Variants in DCDC1 observed in about 807,000 individuals in gnomAD.
DCDC1 encodes the protein doublecortin domain-containing protein 1.
In DCDC1, 200 loss-of-function variants were observed where a neutral mutation model predicts 178.3. The observed-to-expected ratio is 1.12, with a 90% confidence interval of 1.00 to 1.26. The LOEUF (loss-of-function observed/expected upper bound fraction) is 1.26. Among genes scored for constraint, DCDC1 ranks in the 50% most tolerant of loss-of-function variants. The pLI, the probability that DCDC1 is intolerant of heterozygous loss-of-function variation, is 0.00. For synonymous variants in DCDC1, 690 were observed against 604.8 expected (o/e 1.14, Z -2.07); for missense variants, 1,983 against 1,749.2 (o/e 1.13, Z -2.38).
At position 31,110,327 on chromosome 11, in the gene DCDC1, G is replaced by A; in HGVS notation, c.1520C>T (p.Ser507Phe). ...CAAATCTTTTTTACTGATACCAACAGAGATCTCTCCAGTGTTTTTACCATT... is the reference window on the plus strand; with the variant it reads ...CAAATCTTTTTTACTGATACCAACAAAGATCTCTCCAGTGTTTTTACCATT... ...FENGKNTGEI[S>F]VGISKKDLGS... Residue 507 changes from serine (S) to phenylalanine (F), a missense_variant, in exon 12 of 39, where the codon TCT (serine) becomes TTT (phenylalanine). Transcript: ENST00000684477. The A allele has an allele frequency of 1.4e-6, 1 of 707,860 alleles. No individual in the cohort carries two copies. The highest frequency in any genetic ancestry group is 2.6e-6 in the Non-Finnish European group (1 of 386,256). 43.8% of individuals were successfully genotyped at this position (707,860 alleles called of 1,614,324 possible). A position where few individuals can be genotyped will look rare whatever the true frequency, so the allele number is the denominator to read the frequency against.
intron 9 of DCDC1, among the ~76,000 whole-genome samples, chr11:31,211,378 G>A (rs561971934): frequency 6.6e-6 from 1 of 152,226 alleles, no homozygotes; most frequent in East Asian, 1.9e-4. Context: ...TTGCACAACT[G>A]CATCCTCAAA....
At chr11:31,355,807 G>A (rs955747239) in intron 1 of DCDC1, among the ~76,000 whole-genome samples, 1 of 152,074 alleles carries the variant, frequency 6.6e-6, no homozygotes, top group Non-Finnish European at 1.5e-5. Context: ...GACCTCAAGT[G>A]ATCTGCCTGC....
At chr11:30,997,495 A>T (rs1451929701) in intron 20 of DCDC1, among the ~76,000 whole-genome samples, 1 of 152,204 alleles carries the variant, frequency 6.6e-6, no homozygotes, top group Non-Finnish European at 1.5e-5. Flanking sequence ...TATTTTGTCT[A>T]GATATTGAAA....
chr11:31,153,029 A>G (rs1191575192), intron 9 of DCDC1, among the ~76,000 whole-genome samples: 1 of 152,196 alleles, frequency 6.6e-6, no homozygotes, highest in Non-Finnish European at 1.5e-5. Flanking sequence ...TATATTCTCA[A>G]TACTGGGTCA....
rs566853468 is a variant in DCDC1, at chr11:31,283,143, C to T, written c.960+7504G>A. Among the ~76,000 whole-genome samples, 143 of 152,236 alleles carry T rather than the reference C, an allele frequency of 9.4e-4. 1 individual carries two copies. The highest frequency in any genetic ancestry group is 1.6e-3 in the Admixed American group (25 of 15,278). On this transcript the variant is annotated intron_variant, in intron 7 of 38. Transcript: ENST00000684477. ...ACCAAGAACTCAGGAAAAATTCTGG[C>T]CATTATTACTTCAAATATTCACAGC...
intron 20 of DCDC1, among the ~76,000 whole-genome samples, chr11:31,014,472 C>G (rs1036726484): frequency 3.9e-5 from 6 of 152,136 alleles, no homozygotes; most frequent in Admixed American, 2.0e-4. Context: ...TGACTACAGC[C>G]TCATGGAAAA....
intron 9 of DCDC1, among the ~76,000 whole-genome samples, chr11:31,213,174 C>A (rs1312352779): frequency 8.3e-6 from 1 of 120,634 alleles, no homozygotes; most frequent in Non-Finnish European, 1.7e-5. Context: ...CTTTCTTTAC[C>A]AGGGCAGTGG....
At chr11:30,984,515 A>G (rs1590659152) in intron 20 of DCDC1, among the ~76,000 whole-genome samples, 3 of 152,210 alleles carry the variant, frequency 2.0e-5, no homozygotes, top group Non-Finnish European at 4.4e-5. Flanking sequence ...ATCTGATCTC[A>G]GGGTGAGTCA....
chr11:30,977,917 G>A (rs193113440), intron 20 of DCDC1, among the ~76,000 whole-genome samples: 2 of 152,290 alleles, frequency 1.3e-5, no homozygotes, highest in African/African-American at 2.4e-5. Context: ...GTGACAGACC[G>A]AGACCCTGTT....
intron 38 of DCDC1, among the ~76,000 whole-genome samples, chr11:30,873,362 T>TAG (rs1220218244): frequency 0.027 from 3,664 of 137,938 alleles, 58 homozygotes; most frequent in Non-Finnish European, 0.032. Flanking sequence ...TATATATATA[T>TAG]ATAGAGAGAG....
intron 9 of DCDC1, among the ~76,000 whole-genome samples, chr11:31,178,681 C>A (rs911347320): frequency 3.3e-5 from 5 of 152,028 alleles, no homozygotes; most frequent in Non-Finnish European, 5.9e-5. Flanking sequence ...CAATAAAAAA[C>A]AAAATAACGC....
Position 31,329,991 on chromosome 11 carries a change from G to T in DCDC1, c.-6-1705C>A, listed in dbSNP as rs190351695. On this transcript the variant is annotated intron_variant, in intron 2 of 38. Coordinates refer to ENST00000684477, the MANE Select transcript of DCDC1 (RefSeq NM_001387274.1). ...AGTCGCCACACTGTCCTCCACAATG[G>T]TTGAACTAGTTTACACTCCCACCAG... Among the ~76,000 whole-genome samples, 479 of 152,244 alleles carry T rather than the reference G, an allele frequency of 3.1e-3. 2 individuals carry two copies. The highest frequency in any genetic ancestry group is 5.6e-3 in the Non-Finnish European group (381 of 68,022).
chr11:30,893,965 A>C (rs955541404), intron 35 of DCDC1, among the ~76,000 whole-genome samples: 8 of 152,180 alleles, frequency 5.3e-5, no homozygotes, highest in African/African-American at 1.9e-4. Flanking sequence ...GACTACAATT[A>C]TTACAATTAC....
rs754568798 is a variant in DCDC1, at chr11:30,932,039, C to T, written c.2716-87G>A. 4.8e-4 allele frequency: 612 copies of T among 1,270,750 alleles called. 1 individual carries two copies. The highest frequency in any genetic ancestry group is 6.0e-4 in the Non-Finnish European group (587 of 973,164). 78.7% of individuals were successfully genotyped at this position (1,270,750 alleles called of 1,614,324 possible). On this transcript the variant is annotated intron_variant, in intron 21 of 38. Transcript: ENST00000684477. ...TTAAAAATATTAAACACAGTTTATA[C>T]CTTTAATCTCTCATTCATTCAACAA...
In DCDC1 at chr11:30,888,082, G is replaced by GAGAA. The variant is rs1375836230; in HGVS notation, c.5082+4732_5082+4735dup. ...AGAAAGAGAGAGAGAGAGAGAGAGAGAGAAAGAAAGAAAGAAAAAGAAAGA... is the reference window on the plus strand; with the variant it reads ...AGAAAGAGAGAGAGAGAGAGAGAGAGAGAAAGAAAGAAAGAAAGAAAAAGAAAGA... On this transcript the variant is annotated intron_variant, in intron 36 of 38. Transcript: ENST00000684477. Among the ~76,000 whole-genome samples the GAGAA allele has an allele frequency of 7.8e-3, 746 of 96,150 alleles. 27 individuals are homozygous for GAGAA. The highest frequency in any genetic ancestry group is 0.039 in the Middle Eastern group (7 of 178). 63.1% of individuals were successfully genotyped at this position (96,150 alleles called of 152,430 possible).
chr11:31,250,421 C>CACACACACAT (rs1555146241), intron 8 of DCDC1, among the ~76,000 whole-genome samples: 6 of 52,958 alleles, frequency 1.1e-4, no homozygotes, highest in Non-Finnish European at 2.9e-4. Flanking sequence ...CACACATATA[C>CACACACACAT]ATATATATGT....
At chr11:31,088,374 T>C (rs1427538233) in intron 17 of DCDC1, among the ~76,000 whole-genome samples, 2 of 152,102 alleles carry the variant, frequency 1.3e-5, no homozygotes. Flanking sequence ...TTTCTGTTCT[T>C]TGTTCCCCTT....
chr11:31,248,198 A>AATT (rs1943714944), intron 8 of DCDC1, among the ~76,000 whole-genome samples: 1 of 152,068 alleles, frequency 6.6e-6, no homozygotes, highest in Non-Finnish European at 1.5e-5. Flanking sequence ...TGATCTAATA[A>AATT]CTGACATTTT....
At chr11:31,116,589 C>T (rs1959999621) in intron 11 of DCDC1, among the ~76,000 whole-genome samples, 1 of 151,884 alleles carries the variant, frequency 6.6e-6, no homozygotes, top group South Asian at 2.1e-4. Flanking sequence ...TAGTATAAAT[C>T]AAACAGTAAA....
Sources: allele counts gnomAD v4.1 joint callset (sites outside exome capture counted in the v4.1 genomes callset), GRCh38; gene constraint gnomAD v4.1.1; transcripts MANE v1.5; gene names NCBI Gene and HGNC (gene_info 2026-07-23, HGNC 2026-07-21).